PPFIA2: variants seen among roughly 807,000 people sequenced by gnomAD.
The protein encoded by PPFIA2 is PPFI scaffold protein A2.
A neutral mutation model predicts 175.5 loss-of-function variants in PPFIA2; 46 were observed. The ratio of observed to expected loss-of-function variants is 0.26; its 90% CI spans 0.21 to 0.34. The LOEUF (loss-of-function observed/expected upper bound fraction) is 0.34. Ranked by LOEUF, PPFIA2 falls within the 10% of genes least tolerant of loss-of-function variation. PPFIA2 has a pLI of 1.00. For synonymous variants in PPFIA2, 568 were observed against 511.4 expected, an observed-to-expected ratio of 1.11 and a Z score of -1.49; for missense variants, 1,179 against 1,506.1, an observed-to-expected ratio of 0.78 and a Z score of 3.60.
At chr12:81,428,319 T>C (rs550121013) in intron 7 of PPFIA2, among the ~76,000 whole-genome samples, 6 of 152,110 alleles carry the variant, frequency 3.9e-5, no homozygotes, top group Non-Finnish European at 7.4e-5. Context: ...AAATGTCTTA[T>C]ACACAGTAGG....
intron 4 of PPFIA2, among the ~76,000 whole-genome samples, chr12:81,674,233 T>A (rs1022375699): frequency 1.3e-5 from 2 of 152,064 alleles, no homozygotes; most frequent in Non-Finnish European, 2.9e-5. Context: ...TATGCATCCT[T>A]ATGAGAGATC....
chr12:81,432,902 G>A (rs765983844), intron 7 of PPFIA2, among the ~76,000 whole-genome samples: 6 of 151,534 alleles, frequency 4.0e-5, no homozygotes, highest in Admixed American at 6.6e-5. Context: ...TTAACCAAAC[G>A]CATCAAATTA....
At chr12:81,415,021 T>C (rs1293705421) in intron 7 of PPFIA2, among the ~76,000 whole-genome samples, 1 of 149,446 alleles carries the variant, frequency 6.7e-6, no homozygotes, top group East Asian at 2.0e-4. Flanking sequence ...GTCTGTGCAG[T>C]TTGATCAGCT....
chr12:81,671,421 T>C (rs1221148719), intron 4 of PPFIA2, among the ~76,000 whole-genome samples: 1 of 151,948 alleles, frequency 6.6e-6, no homozygotes, highest in African/African-American at 2.4e-5. Flanking sequence ...CCCTCAGTTA[T>C]TGTTATAATC....
intron 4 of PPFIA2, among the ~76,000 whole-genome samples, chr12:81,593,356 A>G (rs2058891872): frequency 6.6e-6 from 1 of 152,212 alleles, no homozygotes; most frequent in South Asian, 2.1e-4. Flanking sequence ...TTTGTGTGGT[A>G]CACAAGCAAA....
chr12:81,287,249 G>A (rs1303779984), intron 24 of PPFIA2, among the ~76,000 whole-genome samples: 3 of 151,830 alleles, frequency 2.0e-5, no homozygotes, highest in East Asian at 1.9e-4. Flanking sequence ...GCTTTGAATC[G>A]TAATCCAAAT....
chr12:81,615,526 G>A (rs2061356020), intron 4 of PPFIA2, among the ~76,000 whole-genome samples: 1 of 152,172 alleles, frequency 6.6e-6, no homozygotes, highest in Admixed American at 6.5e-5. Flanking sequence ...ATCTGTAGGA[G>A]CAATTGCTAA....
At chr12:81,501,441 C>A (rs2060585192) in intron 4 of PPFIA2, among the ~76,000 whole-genome samples, 1 of 152,006 alleles carries the variant, frequency 6.6e-6, no homozygotes, top group Non-Finnish European at 1.5e-5. Context: ...ATTTGCTTGA[C>A]CTCTTTTGTT....
intron 14 of PPFIA2, among the ~76,000 whole-genome samples, chr12:81,364,788 G>T (rs2141302401): frequency 6.6e-6 from 1 of 151,910 alleles, no homozygotes; most frequent in Non-Finnish European, 1.5e-5. Flanking sequence ...AAGAGGATTT[G>T]ATATTGGACT....
intron 17 of PPFIA2, among the ~76,000 whole-genome samples, chr12:81,348,436 G>A (rs923662581): frequency 6.6e-6 from 1 of 152,004 alleles, no homozygotes; most frequent in Non-Finnish European, 1.5e-5. Context: ...TAATGAAAAA[G>A]TAACTTGCAA....
intron 20 of PPFIA2, 76 bp from the exon 21 acceptor site, chr12:81,339,410 C>A (rs905971806): frequency 1.7e-6 from 2 of 1,156,292 alleles, no homozygotes; most frequent in African/African-American, 1.6e-5. Context: ...TAAAATGCAC[C>A]AAAGGAGGAA....
At chr12:81,455,515 A>G (rs2053426127) in intron 5 of PPFIA2, among the ~76,000 whole-genome samples, 1 of 152,118 alleles carries the variant, frequency 6.6e-6, no homozygotes, top group African/African-American at 2.4e-5. Context: ...GGAACTTTGT[A>G]TTTTTCTAAT....
intron 4 of PPFIA2, among the ~76,000 whole-genome samples, chr12:81,579,275 C>T (rs1246489209): frequency 6.6e-6 from 1 of 151,770 alleles, no homozygotes; most frequent in Non-Finnish European, 1.5e-5. Flanking sequence ...GAATAGCAAC[C>T]ACATAATACC....
At chr12:81,579,502 A>T (rs1360106058) in intron 4 of PPFIA2, among the ~76,000 whole-genome samples, 1 of 151,796 alleles carries the variant, frequency 6.6e-6, no homozygotes, top group Non-Finnish European at 1.5e-5. Flanking sequence ...GGACAAACAT[A>T]TGCCCTAAAG....
At chr12:81,601,862 T>C (rs1319896399) in intron 4 of PPFIA2, among the ~76,000 whole-genome samples, 1 of 151,878 alleles carries the variant, frequency 6.6e-6, no homozygotes, top group South Asian at 2.1e-4. Context: ...ATGATACTCA[T>C]TTAAATGAAT....
At chr12:81,581,462 G>A (rs181348339) in intron 4 of PPFIA2, among the ~76,000 whole-genome samples, 3 of 151,696 alleles carry the variant, frequency 2.0e-5, no homozygotes, top group Admixed American at 6.6e-5. Context: ...GACTTTACGC[G>A]CAGGTCCTCT....
In PPFIA2 at chr12:81,642,725, A is replaced by ATG. The variant is rs2065304522; in HGVS notation, c.303+34065_303+34066insCA. On this transcript the variant is annotated intron_variant, in intron 4 of 32. Transcript: ENST00000549396. Reference sequence around the variant, plus strand: ...GTATATGTATGTATGTATTATATACATACATGTATATGTATGTATGTATTA... The same window carrying ATG: ...GTATATGTATGTATGTATTATATACATGTACATGTATATGTATGTATGTATTA... Among the ~76,000 whole-genome samples the ATG allele has an allele frequency of 5.4e-5, 6 of 110,280 alleles. 2 individuals carry two copies. Among genetic ancestry groups the ATG allele is most frequent in the African/African-American group, 6.9e-5 (2 of 29,032 alleles). 72.3% of individuals were successfully genotyped at this position (110,280 alleles called of 152,430 possible). A position where few individuals can be genotyped will look rare whatever the true frequency, so the allele number is the denominator to read the frequency against.
chr12:81,553,189 T>C (rs1258975286), intron 4 of PPFIA2, among the ~76,000 whole-genome samples: 1 of 151,794 alleles, frequency 6.6e-6, no homozygotes, highest in African/African-American at 2.4e-5. Flanking sequence ...GAAGAATGAA[T>C]AGGATTTAGC....
Position 81,730,043 on chromosome 12 carries a change from G to T in PPFIA2, c.249+23930C>A, listed in dbSNP as rs1266337598. Among the ~76,000 whole-genome samples, 10 of 151,540 alleles carry T rather than the reference G, an allele frequency of 6.6e-5. No individual in the cohort carries two copies. The East Asian group carries it at 1.8e-3, about 27-fold the overall frequency. On this transcript the variant is annotated intron_variant, in intron 3 of 32. Transcript: ENST00000549396. ...TAAGCAAAAGACCCAGTTGGCTCAA[G>T]GTCTACCTGAACTTCTGACCCACAG... is the stretch of plus-strand genomic sequence containing the variant.
Sources: gnomAD v4.1 joint callset for allele counts (sites outside exome capture counted in the v4.1 genomes callset) on GRCh38, gnomAD v4.1.1 for gene constraint, MANE v1.5 for transcripts, NCBI Gene and HGNC (gene_info 2026-07-23, HGNC 2026-07-21) for gene names.